The following MYH7B variants were observed in gnomAD, a reference collection of about 807,000 sequenced individuals.
The protein encoded by MYH7B is myosin heavy chain 7B, also known as myosin-7B.
In MYH7B, 205 loss-of-function variants were observed where a neutral mutation model predicts 234.5. The observed-to-expected ratio is 0.87, with a 90% CI of 0.78 to 0.98. The LOEUF (loss-of-function observed/expected upper bound fraction) is 0.98. Ranked by LOEUF, MYH7B falls within the 50% of genes least tolerant of loss-of-function variation. The pLI is 0.00. For synonymous variants in MYH7B, 1,193 were observed against 1,105.0 expected (o/e 1.08, Z -1.58); for missense variants, 2,652 against 2,633.4 (o/e 1.01, Z -0.15).
At chr20:34,998,041 G>A (rs2082296992) in intron 32 of MYH7B, among the ~76,000 whole-genome samples, 1 of 152,130 alleles carries the variant, frequency 6.6e-6, no homozygotes, top group Non-Finnish European at 1.5e-5. Context: ...GTCCCCAGGT[G>A]ACTCCGCAGC....
intron 43 of MYH7B, 132 bp from the exon 44 acceptor site, chr20:35,001,816 T>C: frequency 7.3e-7 from 1 of 1,374,126 alleles, no homozygotes; most frequent in Admixed American, 2.2e-5. Context: ...GTGGTATTGG[T>C]GAGGATGGAC....
chr20:34,988,280 G>A lies in MYH7B; in HGVS notation c.1587+18G>A. 1 of 1,604,770 alleles carries A rather than the reference G, an allele frequency of 6.2e-7. No individual in the cohort carries two copies. Among genetic ancestry groups the A allele is most frequent in the Non-Finnish European group, 8.5e-7 (1 of 1,173,402 alleles). On this transcript the variant is annotated intron_variant, in intron 19 of 44. Coordinates refer to ENST00000262873, the Ensembl canonical transcript of MYH7B. ...TCGAGAAGGTGGGTGCCGCGGCAAG[G>A]TCACTTTGAGGAAGGGAGGGTGTGT...
Position 34,979,641 on chromosome 20 carries a change from T to C in MYH7B, c.199-20T>C, listed in dbSNP as rs757811149. On this transcript the variant is annotated intron_variant, in intron 6 of 44. Transcript: ENST00000262873. ...CGGTTCCTCCCGGTCCCCCGGCCCC[T>C]GACACGATCTCCCTGGTAGGTGCTG... 35 of 1,613,768 alleles carry C rather than the reference T, an allele frequency of 2.2e-5. No individual in the cohort carries two copies. The highest frequency in any genetic ancestry group is 2.8e-5 in the Non-Finnish European group (33 of 1,179,902).
intron 5 of MYH7B, among the ~76,000 whole-genome samples, chr20:34,978,344 T>C (rs1316276355): frequency 1.4e-4 from 21 of 152,112 alleles, no homozygotes; most frequent in Admixed American, 1.4e-3. Flanking sequence ...GCACCTGCCT[T>C]CCGGAGCTGC....
At chr20:35,001,854 C>T in intron 43 of MYH7B, 94 bp from the exon 44 acceptor site, 4 of 1,521,362 alleles carry the variant, frequency 2.6e-6, no homozygotes, top group Non-Finnish European at 2.7e-6. Context: ...AGTTGAGAAC[C>T]AGGAGGAGCT....
intron 2 of MYH7B, among the ~76,000 whole-genome samples, chr20:34,961,698 C>T (rs935100508): frequency 2.0e-5 from 3 of 152,208 alleles, no homozygotes; most frequent in Non-Finnish European, 4.4e-5. Flanking sequence ...CTTTCTTTGT[C>T]TATGGATTTG....
chr20:34,996,905 G>T, intron 30 of MYH7B, 147 bp downstream of exon 30: 1 of 1,336,690 alleles, frequency 7.5e-7, no homozygotes, highest in South Asian at 1.4e-5. Flanking sequence ...GTAGTGTCTT[G>T]CCCTCCCTGT....
chr20:35,001,176 A>G lies in MYH7B; in HGVS notation c.5475+18A>G, dbSNP rs753535316. 1 of 1,610,618 alleles carries G rather than the reference A, an allele frequency of 6.2e-7. No homozygotes were observed. Among genetic ancestry groups the G allele is most frequent in the South Asian group, 1.1e-5 (1 of 90,870 alleles). ...AGGCCAAGGTGTGTGCAGCCCCTCT[A>G]GTCCTTGGCGCAGGCAGGGTGGGTG... On this transcript the variant is annotated intron_variant, in intron 41 of 44. Transcript: ENST00000262873.
At position 34,980,540 on chromosome 20, in the gene MYH7B, A is replaced by C. The variant is rs191959576; in HGVS notation, c.343-38A>C. Reference sequence around the variant, plus strand: ...GAGACAGAGCAAGACTCCATCTCAAAAACAACAACATAAACCCTACCTATA... The same window carrying C: ...GAGACAGAGCAAGACTCCATCTCAACAACAACAACATAAACCCTACCTATA... On this transcript the variant is annotated intron_variant, in intron 7 of 44. Transcript: ENST00000262873. 1,021 of 1,567,190 alleles carry C rather than the reference A, an allele frequency of 6.5e-4. 7 individuals are homozygous for C. The Middle Eastern group carries it at 0.011, about 17-fold the overall frequency.
Position 34,994,215 on chromosome 20 carries a change from GCT to G in MYH7B, c.2517_2518del (p.Phe841GlnfsTer12), listed in dbSNP as rs1360679235. The G allele has an allele frequency of 3.1e-6, 5 of 1,613,272 alleles. No individual in the cohort carries two copies. Among genetic ancestry groups the G allele is most frequent in the Non-Finnish European group, 4.2e-6 (5 of 1,180,010 alleles). ...CCGTCAAGAACTGGTCATGGATGAA[GCT>G]CTTTTTCAAGATGAAGCCGCTGCTG... On this transcript the variant is annotated frameshift_variant, in exon 27 of 45. Transcript: ENST00000262873. LOFTEE classifies it high-confidence loss of function.
chr20:34,981,043 C>T, exon 9 of MYH7B: 1 of 1,614,106 alleles, frequency 6.2e-7, no homozygotes, highest in Non-Finnish European at 8.5e-7. Context: ...ACCGAGACAA[C>T]CAGTCCATGC....
rs1211124372 is a variant in MYH7B at position 34,991,070 on chromosome 20, T to C, written c.2132T>C (p.Ile711Thr). Reference sequence around the variant, plus strand: ...AATGGGGTCCTGGAGGGGATCCGGATCTGCCGCCAAGGGTTCCCCAACAGG... The same window carrying C: ...AATGGGGTCCTGGAGGGGATCCGGACCTGCCGCCAAGGGTTCCCCAACAGG... Residue 711 changes from isoleucine to threonine, a missense_variant, in exon 24 of 45, where the codon ATC becomes ACC. Physicochemically the swap from Ile to Thr is moderately conservative, Grantham distance 89. This residue lies in a region of MYH7B where 2,279 missense variants were observed against 2,211.4 expected (regional missense o/e 1.03). Transcript: ENST00000262873. 3 of 1,613,906 alleles carry C rather than the reference T, an allele frequency of 1.9e-6. No individual in the cohort carries two copies. In the South Asian group the frequency reaches 3.3e-5, roughly 18 times the overall value.
intron 1 of MYH7B, among the ~76,000 whole-genome samples, 125 bp from the exon 2 acceptor site, chr20:34,957,973 C>T (rs1209795390): frequency 6.6e-6 from 1 of 152,180 alleles, no homozygotes; most frequent in Admixed American, 6.5e-5. Flanking sequence ...GGATAAGCAG[C>T]TGTTAACTAG....
chr20:34,977,738 G>GGGGGGGGGGGGGGCCC, intron 4 of MYH7B, 58 bp downstream of exon 4: 1 of 317,154 alleles, frequency 3.2e-6, no homozygotes, highest in Non-Finnish European at 5.9e-6. Context: ...GGGCGGGTGG[G>GGGGGGGGGGGGGGCCC]TGAGGGTGCC....
intron 32 of MYH7B, 146 bp downstream of exon 32, chr20:34,997,786 A>C: frequency 9.6e-7 from 1 of 1,036,486 alleles, no homozygotes. Flanking sequence ...CTCATTTCTC[A>C]GCCTCCTACC....
rs61746252 is a variant in MYH7B at position 35,000,567 on chromosome 20, T to A, written c.5056T>A (p.Ser1686Thr). The A allele has an allele frequency of 2.4e-3, 3,770 of 1,572,312 alleles. 76 individuals carry two copies. The African/African-American group carries it at 0.045, about 19-fold the overall frequency. ...GGCGCAGGCTCTGGAGCGCCGGGCC[T>A]CGCTGCTGGCTGCGGAGCTGGAGGA... Residue 1686 changes from serine (S) to threonine (T), a missense_variant, in exon 39 of 45, where the codon TCG (serine) becomes ACG (threonine). Coordinates refer to ENST00000262873, the Ensembl canonical transcript of MYH7B.
exon 36 of MYH7B, chr20:34,999,361 T>C (rs2082324793): frequency 6.5e-7 from 1 of 1,544,562 alleles, no homozygotes; most frequent in Non-Finnish European, 8.7e-7. Context: ...GAGGAGGCAC[T>C]TGAAGCCCTG....
At chr20:34,988,128 A>G (rs1569045026) in exon 19 of MYH7B, 1 of 1,614,116 alleles carries the variant, frequency 6.2e-7, no homozygotes, top group African/African-American at 1.3e-5. Context: ...CAACTTCACC[A>G]ATGAGAAATT....
chr20:34,992,322 C>G (rs8121778), intron 24 of MYH7B, among the ~76,000 whole-genome samples: 1 of 147,902 alleles, frequency 6.8e-6, no homozygotes, highest in South Asian at 2.1e-4. Flanking sequence ...GGAGGCAGAG[C>G]TTGCAGTGAG....
Sources: allele counts gnomAD v4.1 joint callset (sites outside exome capture counted in the v4.1 genomes callset), GRCh38; gene constraint gnomAD v4.1.1; regional missense constraint gnomAD v4.1.1; transcripts MANE v1.5; gene names NCBI Gene and HGNC (gene_info 2026-07-23, HGNC 2026-07-21).